The following DNAH9 variants were observed in gnomAD, a reference collection of about 807,000 sequenced individuals.
The protein encoded by DNAH9 is DNAH9 variant protein.
DNAH9 carries 345 observed loss-of-function variants against 471.6 expected under a neutral mutation model. The observed-to-expected ratio is 0.73, with a 90% CI of 0.67 to 0.80. The LOEUF (loss-of-function observed/expected upper bound fraction) is 0.80, where lower values mean the gene tolerates loss of function less well. Ranked by LOEUF, DNAH9 falls within the 30% of genes least tolerant of loss-of-function variation. DNAH9 has a pLI of 0.00. For missense variants in DNAH9, 5,407 were observed against 5,609.2 expected, an observed-to-expected ratio of 0.96 and a Z score of 1.15; for synonymous variants, 2,093 against 2,123.6, an observed-to-expected ratio of 0.99 and a Z score of 0.40.
At chr17:11,751,688 C>G (rs540572632) in intron 32 of DNAH9, among the ~76,000 whole-genome samples, 2 of 151,762 alleles carry the variant, frequency 1.3e-5, no homozygotes, top group South Asian at 4.2e-4. Context: ...GTTAGGGATG[C>G]CTATTGTCAA....
At chr17:11,816,517 A>G (rs572165817) in intron 45 of DNAH9, among the ~76,000 whole-genome samples, 26 of 152,370 alleles carry the variant, frequency 1.7e-4, no homozygotes, top group African/African-American at 5.8e-4. Flanking sequence ...AGAGTACTGA[A>G]ATAGCCACCA....
chr17:11,861,795 A>G (rs1285717600), intron 50 of DNAH9, among the ~76,000 whole-genome samples: 1 of 151,866 alleles, frequency 6.6e-6, no homozygotes, highest in East Asian at 1.9e-4. Flanking sequence ...GCATTTTTTC[A>G]TGTGTTTTTT....
At chr17:11,844,592 A>C (rs551110483) in intron 49 of DNAH9, among the ~76,000 whole-genome samples, 1 of 152,242 alleles carries the variant, frequency 6.6e-6, no homozygotes, top group Admixed American at 6.5e-5. Context: ...TTTTTAGTAG[A>C]GACGGAGTTT....
chr17:11,783,136 G>T (rs955117878), intron 39 of DNAH9, among the ~76,000 whole-genome samples: 1 of 151,898 alleles, frequency 6.6e-6, no homozygotes, highest in African/African-American at 2.4e-5. Context: ...TTGTTGTTCT[G>T]GTTTGTTTTG....
At chr17:11,814,120 G>A (rs933927131) in intron 45 of DNAH9, among the ~76,000 whole-genome samples, 1 of 152,110 alleles carries the variant, frequency 6.6e-6, no homozygotes, top group South Asian at 2.1e-4. Flanking sequence ...AATTCCTGAG[G>A]AATGTGCACT....
intron 67 of DNAH9, among the ~76,000 whole-genome samples, chr17:11,946,894 GA>G (rs1468241452): frequency 1.3e-5 from 2 of 152,162 alleles, no homozygotes; most frequent in African/African-American, 4.8e-5. Flanking sequence ...ACCAAGGTTA[GA>G]AAATGTCTAA....
rs1567583206 is a variant in DNAH9 at position 11,962,948 on chromosome 17, G to C, written c.13233+692G>C. 6.6e-6 allele frequency among the ~76,000 whole-genome samples: 1 copy of C among 152,182 alleles called. No individual in the cohort carries two copies. Among genetic ancestry groups the C allele is most frequent in the Admixed American group, 6.5e-5 (1 of 15,286 alleles). ...TAAAAACGTGAGTCACATGAGATTG[G>C]AGAAGATGTTTTGTCACCAATAAGA... On this transcript the variant is annotated intron_variant, in intron 68 of 68. Transcript: ENST00000262442. This position sits in a 1 kb window ranked among gnomAD's most constrained non-coding sequence, Gnocchi z 4.1.
intron 68 of DNAH9, among the ~76,000 whole-genome samples, chr17:11,967,564 C>A: frequency 6.6e-6 from 1 of 152,122 alleles, no homozygotes; most frequent in African/African-American, 2.4e-5. Context: ...AAACGAATAG[C>A]AGATTCTACT....
At position 11,962,289 on chromosome 17, in the gene DNAH9, C is replaced by T; in HGVS notation, c.13233+33C>T. The T allele has an allele frequency of 6.5e-7, 1 of 1,544,206 alleles. No homozygotes were observed. The highest frequency in any genetic ancestry group is 1.2e-5 in the South Asian group (1 of 81,794). ...TTGGAATGAACCAAAGGGCAGCTTT[C>T]TGGGGGCTGATTAAATACACATTGC... On this transcript the variant is annotated intron_variant, in intron 68 of 68. Transcript: ENST00000262442. This position sits in a 1 kb window ranked among gnomAD's most constrained non-coding sequence, Gnocchi z 4.1.
chr17:11,967,820 G>C (rs920470554), intron 68 of DNAH9, among the ~76,000 whole-genome samples: 4 of 152,094 alleles, frequency 2.6e-5, no homozygotes, highest in African/African-American at 9.7e-5. Context: ...AGACAAAATA[G>C]ACTTTATAAG....
At position 11,881,375 on chromosome 17, in the gene DNAH9, G is replaced by A; in HGVS notation, c.10768G>A (p.Val3590Met). 1.9e-6 allele frequency: 3 copies of A among 1,613,874 alleles called. No individual in the cohort carries two copies. The highest frequency in any genetic ancestry group is 1.3e-5 in the African/African-American group (1 of 75,058). The change falls in exon 55 of 69, where the codon GTG becomes ATG. Residue 3590 changes from valine to methionine, a missense_variant. Physicochemically the swap from Val to Met is conservative, Grantham distance 21 (BLOSUM62 1). This residue lies in a region of DNAH9 where 4,636 missense variants were observed against 4,900.3 expected (regional missense o/e 0.95). Transcript: ENST00000262442. ...CCTGGAGGACCAGTTGCTGGCCGCTGTGGTCAGCATGGAGAGGCCAGACTT... is the reference window on the plus strand; with the variant it reads ...CCTGGAGGACCAGTTGCTGGCCGCTATGGTCAGCATGGAGAGGCCAGACTT... Reference protein sequence around the residue: ...DGLEDQLLAAVVSMERPDLEQ... With the variant: ...DGLEDQLLAAMVSMERPDLEQ...
intron 32 of DNAH9, among the ~76,000 whole-genome samples, chr17:11,750,921 G>A (rs2150849470): frequency 6.6e-6 from 1 of 152,110 alleles, no homozygotes; most frequent in Non-Finnish European, 1.5e-5. Flanking sequence ...TTAGTCACTA[G>A]GAGGAACACA....
In DNAH9 at chr17:11,742,330, G is replaced by C. The variant is rs199792050; in HGVS notation, c.6111+17G>C. The C allele has an allele frequency of 3.7e-6, 6 of 1,613,646 alleles. No homozygotes were observed. The highest frequency in any genetic ancestry group is 3.3e-5 in the Admixed American group (2 of 59,998). On this transcript the variant is annotated intron_variant, in intron 30 of 68. Coordinates refer to ENST00000262442, the MANE Select transcript of DNAH9 (RefSeq NM_001372.4). Reference sequence around the variant, plus strand: ...TCCAAACAGGTAGGATCTCTAGGGAGGCTGTACAACCAAGCACCGTGCAAC... The same window carrying C: ...TCCAAACAGGTAGGATCTCTAGGGACGCTGTACAACCAAGCACCGTGCAAC...
At chr17:11,666,526 C>G (rs989746444) in intron 15 of DNAH9, among the ~76,000 whole-genome samples, 1 of 152,126 alleles carries the variant, frequency 6.6e-6, no homozygotes, top group Non-Finnish European at 1.5e-5. Context: ...AGAGGCCCTT[C>G]GAATTCTCCT....
chr17:11,646,935 T>G lies in DNAH9; in HGVS notation c.1971-137T>G, dbSNP rs2073404777. 2.0e-5 allele frequency: 14 copies of G among 690,000 alleles called. No homozygotes were observed. In the South Asian group the frequency reaches 3.3e-4, roughly 16 times the overall value. 42.7% of individuals were successfully genotyped at this position (690,000 alleles called of 1,614,324 possible). On this transcript the variant is annotated intron_variant, in intron 11 of 68. Coordinates refer to ENST00000262442, the MANE Select transcript of DNAH9 (RefSeq NM_001372.4). ...TCTCAAAAAGAAAGAAAGAAATTTGTGGTTACTCTCAGAAGCTGACCCAGC... is the reference window on the plus strand; with the variant it reads ...TCTCAAAAAGAAAGAAAGAAATTTGGGGTTACTCTCAGAAGCTGACCCAGC...
At chr17:11,795,176 C>T (rs1461356409) in intron 42 of DNAH9, among the ~76,000 whole-genome samples, 1 of 152,120 alleles carries the variant, frequency 6.6e-6, no homozygotes, top group Non-Finnish European at 1.5e-5. Flanking sequence ...AAATTCTTTC[C>T]TCTCATTAAA....
At chr17:11,805,716 G>A (rs1049562322) in intron 43 of DNAH9, among the ~76,000 whole-genome samples, 1 of 151,502 alleles carries the variant, frequency 6.6e-6, no homozygotes, top group African/African-American at 2.4e-5. Context: ...CACCATGCCT[G>A]CTAATTTTTG....
chr17:11,821,069 G>A (rs1373042597), intron 45 of DNAH9, among the ~76,000 whole-genome samples: 1 of 152,054 alleles, frequency 6.6e-6, no homozygotes, highest in Non-Finnish European at 1.5e-5. Context: ...ATCACCTGAG[G>A]TCGGGAGTTC....
chr17:11,866,726 G>A (rs1290724858), intron 50 of DNAH9, among the ~76,000 whole-genome samples: 3 of 152,228 alleles, frequency 2.0e-5, no homozygotes, highest in South Asian at 2.1e-4. Context: ...GGGCAATGGC[G>A]GGCGCCCCTC....
Sources: allele counts gnomAD v4.1 joint callset (sites outside exome capture counted in the v4.1 genomes callset), GRCh38; gene constraint gnomAD v4.1.1; regional missense constraint gnomAD v4.1.1; non-coding constraint Gnocchi (gnomAD v3.1); transcripts MANE v1.5; gene names NCBI Gene and HGNC (gene_info 2026-07-23, HGNC 2026-07-21).